LRRC4C: variants seen among roughly 807,000 people sequenced by gnomAD.
LRRC4C encodes the protein leucine-rich repeat-containing protein 4C.
In LRRC4C, 5 loss-of-function variants were observed where a neutral mutation model predicts 33.6. The observed-to-expected ratio is 0.15, with a 90% CI of 0.08 to 0.31. The LOEUF is 0.31. Ranked by LOEUF, LRRC4C falls within the 10% of genes least tolerant of loss-of-function variation. The pLI is 1.00. For missense variants in LRRC4C, 560 were observed against 796.7 expected (o/e 0.70, Z 3.58); for synonymous variants, 329 against 302.0 (o/e 1.09, Z -0.93).
chr11:40,868,448 C>A (rs1954476618), intron 2 of LRRC4C, among the ~76,000 whole-genome samples: 1 of 152,022 alleles, frequency 6.6e-6, no homozygotes, highest in Non-Finnish European at 1.5e-5. Context: ...CCTCCTACAC[C>A]CACATTAATG....
intron 1 of LRRC4C, among the ~76,000 whole-genome samples, chr11:41,284,722 G>A (rs938148339): frequency 2.0e-5 from 3 of 152,128 alleles, no homozygotes; most frequent in Non-Finnish European, 2.9e-5. Flanking sequence ...TCAGCTCAGG[G>A]CATGTGACTG....
At position 40,744,397 on chromosome 11, in the gene LRRC4C, C is replaced by A. The variant is rs575004833; in HGVS notation, c.-406-96119G>T. 7.2e-5 allele frequency among the ~76,000 whole-genome samples: 11 copies of A among 152,256 alleles called. No homozygotes were observed. The East Asian group carries it at 7.7e-4, about 11-fold the overall frequency. ...ATATTTAAGGCAAGAACATTCCAGG[C>A]AGATGCAACAGTAAATGTGAAGACC... On this transcript the variant is annotated intron_variant, in intron 2 of 6. Coordinates refer to ENST00000528697, the MANE Select transcript of LRRC4C (RefSeq NM_001258419.2).
At chr11:40,768,778 A>G (rs762068402) in intron 2 of LRRC4C, among the ~76,000 whole-genome samples, 4 of 152,118 alleles carry the variant, frequency 2.6e-5, no homozygotes, top group Non-Finnish European at 5.9e-5. Flanking sequence ...CAGTTGGTAA[A>G]ATTCAACATG....
chr11:40,685,372 T>C (rs1944903410), intron 2 of LRRC4C, among the ~76,000 whole-genome samples: 1 of 152,090 alleles, frequency 6.6e-6, no homozygotes, highest in African/African-American at 2.4e-5. Context: ...TCAATTTTTT[T>C]AATAAAAAGT....
At chr11:40,350,843 T>C (rs556649818) in intron 3 of LRRC4C, among the ~76,000 whole-genome samples, 1 of 152,114 alleles carries the variant, frequency 6.6e-6, no homozygotes, top group South Asian at 2.1e-4. Flanking sequence ...TTTCTTTTAC[T>C]TGTAGCTAGT....
chr11:40,656,059 C>A (rs1311496119), intron 2 of LRRC4C, among the ~76,000 whole-genome samples: 3 of 152,148 alleles, frequency 2.0e-5, no homozygotes, highest in Admixed American at 6.5e-5. Flanking sequence ...CCTCCCCCAA[C>A]ATTGGGAATT....
At chr11:41,122,681 C>T (rs1286767277) in intron 1 of LRRC4C, among the ~76,000 whole-genome samples, 1 of 151,746 alleles carries the variant, frequency 6.6e-6, no homozygotes, top group African/African-American at 2.4e-5. Flanking sequence ...TTGGGCCAAA[C>T]ATATTTTTCA....
In LRRC4C at chr11:40,718,109, T is replaced by C. The variant is rs139186347; in HGVS notation, c.-406-69831A>G. Among the ~76,000 whole-genome samples the C allele has an allele frequency of 3.3e-4, 51 of 152,298 alleles. 3 individuals are homozygous for C. The East Asian group carries it at 9.5e-3, about 28-fold the overall frequency. On this transcript the variant is annotated intron_variant, in intron 2 of 6. Transcript: ENST00000528697. The stretch of plus-strand genomic sequence containing the variant: ...TATCCTTTAGATTCCATCAAACGCA[T>C]GGTGGATGCCTATGTAATCATTTCT...
chr11:40,753,366 G>A (rs1234115778), intron 2 of LRRC4C, among the ~76,000 whole-genome samples: 1 of 151,388 alleles, frequency 6.6e-6, no homozygotes, highest in Non-Finnish European at 1.5e-5. Context: ...TGAACAATTT[G>A]TTTATGTAAA....
At chr11:41,161,030 T>C (rs769849503) in intron 1 of LRRC4C, among the ~76,000 whole-genome samples, 69 of 152,200 alleles carry the variant, frequency 4.5e-4, no homozygotes, top group Non-Finnish European at 2.6e-4. Context: ...CTGTAGGTCA[T>C]CTAAACAGAG....
chr11:41,176,462 C>T (rs889316671), intron 1 of LRRC4C, among the ~76,000 whole-genome samples: 1 of 152,090 alleles, frequency 6.6e-6, no homozygotes, highest in African/African-American at 2.4e-5. Flanking sequence ...TTCATCAGTC[C>T]TGCATCCATT....
At chr11:40,813,754 T>C (rs747902369) in intron 2 of LRRC4C, among the ~76,000 whole-genome samples, 1 of 152,144 alleles carries the variant, frequency 6.6e-6, no homozygotes, top group Non-Finnish European at 1.5e-5. Flanking sequence ...ATTGGATAAA[T>C]GCACCCATTC....
At chr11:40,726,676 A>G (rs1947305334) in intron 2 of LRRC4C, among the ~76,000 whole-genome samples, 1 of 152,210 alleles carries the variant, frequency 6.6e-6, no homozygotes, top group South Asian at 2.1e-4. Flanking sequence ...AGCTGGAAGC[A>G]TTCCCTTTAA....
intron 1 of LRRC4C, among the ~76,000 whole-genome samples, chr11:41,272,250 G>A (rs1318466348): frequency 6.6e-6 from 1 of 152,068 alleles, no homozygotes; most frequent in Non-Finnish European, 1.5e-5. Context: ...GTTGGGGTGG[G>A]GGAAGTGCTG....
chr11:41,420,065 T>C (rs1954823088), intron 1 of LRRC4C, among the ~76,000 whole-genome samples: 1 of 151,914 alleles, frequency 6.6e-6, no homozygotes, highest in South Asian at 2.1e-4. Flanking sequence ...ACATCCTGCT[T>C]TGTGTACAGA....
At chr11:41,217,928 A>G (rs753888973) in intron 1 of LRRC4C, among the ~76,000 whole-genome samples, 5 of 152,198 alleles carry the variant, frequency 3.3e-5, no homozygotes, top group African/African-American at 4.8e-5. Flanking sequence ...TATAGGAAAA[A>G]TAATCCTAGC....
At chr11:40,834,911 G>GACAGACAGACAGACACACACACACACAC (rs748483585) in intron 2 of LRRC4C, among the ~76,000 whole-genome samples, 31 of 84,928 alleles carry the variant, frequency 3.7e-4, no homozygotes, top group Middle Eastern at 0.013. Context: ...CAGACAGACA[G>GACAGACAGACAGACACACACACACACAC]ACACACACAC....
At chr11:40,341,106 C>T (rs753711526) in intron 3 of LRRC4C, among the ~76,000 whole-genome samples, 1 of 152,126 alleles carries the variant, frequency 6.6e-6, no homozygotes, top group Non-Finnish European at 1.5e-5. Flanking sequence ...GTCAAAAACC[C>T]TAAAACGAAG....
At chr11:40,941,008 T>C (rs1270511763) in intron 1 of LRRC4C, among the ~76,000 whole-genome samples, 1 of 151,496 alleles carries the variant, frequency 6.6e-6, no homozygotes, top group Non-Finnish European at 1.5e-5. Context: ...ATTTAAAAAT[T>C]CCAACAGAAA....
Sources: gnomAD v4.1 joint callset for allele counts (sites outside exome capture counted in the v4.1 genomes callset) on GRCh38, gnomAD v4.1.1 for gene constraint, MANE v1.5 for transcripts, NCBI Gene and HGNC (gene_info 2026-07-23, HGNC 2026-07-21) for gene names.